The following SLC38A10 variants were observed in gnomAD, a reference collection of about 807,000 sequenced individuals.
SLC38A10 encodes Sodium-coupled neutral amino acid transporter 10.
A neutral mutation model predicts 81.0 loss-of-function variants in SLC38A10; 53 were observed. The ratio of observed to expected loss-of-function variants is 0.65; its 90% CI spans 0.53 to 0.82. The LOEUF is 0.82. Ranked by LOEUF, SLC38A10 falls within the 40% of genes least tolerant of loss-of-function variation. SLC38A10 has a pLI of 0.00. For missense variants in SLC38A10, 1,471 were observed against 1,545.0 expected, an observed-to-expected ratio of 0.95 and a Z score of 0.80; for synonymous variants, 665 against 655.3, an observed-to-expected ratio of 1.01 and a Z score of -0.23.
At chr17:81,287,713 C>T (rs1036004226) in intron 2 of SLC38A10, among the ~76,000 whole-genome samples, 2 of 152,348 alleles carry the variant, frequency 1.3e-5, no homozygotes, top group African/African-American at 2.4e-5. Flanking sequence ...AGCACCCACC[C>T]GGCAATTTTC....
At chr17:81,285,211 G>A (rs994307392) in intron 2 of SLC38A10, 6 of 262,956 alleles carry the variant, frequency 2.3e-5, no homozygotes, top group African/African-American at 2.2e-5. Context: ...ACTGGGGGCC[G>A]GCTGGAAACA....
chr17:81,291,903 G>A (rs1258764410), intron 1 of SLC38A10, among the ~76,000 whole-genome samples: 7 of 152,256 alleles, frequency 4.6e-5, no homozygotes, highest in East Asian at 1.9e-4. Context: ...CAGCACCACC[G>A]TGGCACACTA....
At chr17:81,287,991 ATCT>A in intron 2 of SLC38A10, among the ~76,000 whole-genome samples, 1 of 152,240 alleles carries the variant, frequency 6.6e-6, no homozygotes, top group East Asian at 1.9e-4. Context: ...TCCGGTAGGC[ATCT>A]TTCAGCCCAA....
Position 81,286,890 on chromosome 17 carries a change from G to A in SLC38A10, c.218-1995C>T, listed in dbSNP as rs9912623. 1.3e-5 allele frequency among the ~76,000 whole-genome samples: 2 copies of A among 152,136 alleles called. No individual in the cohort carries two copies. Among genetic ancestry groups the A allele is most frequent in the Non-Finnish European group, 2.9e-5 (2 of 68,032 alleles). On this transcript the variant is annotated intron_variant, in intron 2 of 15. Coordinates refer to ENST00000374759, the MANE Select transcript of SLC38A10 (RefSeq NM_001037984.3). This position sits in a 1 kb window ranked among gnomAD's most constrained non-coding sequence, Gnocchi z 6.0. ...GGAGGCGGTTTCTAGCCCAGACCAC[G>A]CATGCCAGGGTTCAGGCACAACTCT... is the stretch of plus-strand genomic sequence containing the variant.
At chr17:81,259,210 C>CT (rs1161292064) in intron 11 of SLC38A10, among the ~76,000 whole-genome samples, 1 of 152,218 alleles carries the variant, frequency 6.6e-6, no homozygotes, top group Admixed American at 6.5e-5. Flanking sequence ...GTGGAGGCCC[C>CT]TCCTGGAGGC....
chr17:81,293,302 T>C (rs534201452), intron 1 of SLC38A10, among the ~76,000 whole-genome samples: 1 of 152,360 alleles, frequency 6.6e-6, no homozygotes, highest in East Asian at 1.9e-4. Flanking sequence ...CAGAGGTGGC[T>C]GGCAGAAAGC....
chr17:81,286,405 C>T lies in SLC38A10; in HGVS notation c.218-1510G>A, dbSNP rs1446469182. 6.6e-6 allele frequency among the ~76,000 whole-genome samples: 1 copy of T among 152,166 alleles called. No homozygotes were observed. The highest frequency in any genetic ancestry group is 1.9e-4 in the East Asian group (1 of 5,192). On this transcript the variant is annotated intron_variant, in intron 2 of 15. Coordinates refer to ENST00000374759, the MANE Select transcript of SLC38A10 (RefSeq NM_001037984.3). The surrounding 1 kb of genome is among the most constrained non-coding windows in gnomAD (Gnocchi z 6.0). ...CCTGAGAGCCCACCACGCTGAGACA[C>T]GGCCCCACGCGCCTTCTTTTCCCCA...
At chr17:81,266,127 C>T (rs991384388) in intron 10 of SLC38A10, among the ~76,000 whole-genome samples, 6 of 152,320 alleles carry the variant, frequency 3.9e-5, no homozygotes, top group East Asian at 1.9e-4. Context: ...ACACCAGCAG[C>T]GCCGTGGCCA....
intron 14 of SLC38A10, 135 bp from the exon 15 acceptor site, chr17:81,247,196 C>T (rs2062860529): frequency 1.1e-6 from 1 of 893,700 alleles, no homozygotes; most frequent in Non-Finnish European, 1.6e-6. Flanking sequence ...CCACTGGTGA[C>T]ACCCATCATG....
chr17:81,245,618 C>T lies in SLC38A10; in HGVS notation c.3298G>A (p.Ala1100Thr), dbSNP rs557846250. The T allele has an allele frequency of 2.5e-5, 40 of 1,612,224 alleles. 1 individual carries two copies. In the South Asian group the frequency reaches 3.6e-4, roughly 15 times the overall value. The change falls in exon 16 of 16, where the codon GCT becomes ACT. Residue 1100 changes from alanine to threonine, a missense_variant. Transcript: ENST00000374759. ...DAQLRQAAGG[A>T]LQVVHSRQLR... ...TGCCGGCTGTGGACCACCTGCAGAGCTCCCCCCGCAGCCTGGCGGAGCTGG... is the reference window on the plus strand; with the variant it reads ...TGCCGGCTGTGGACCACCTGCAGAGTTCCCCCCGCAGCCTGGCGGAGCTGG...
chr17:81,259,840 C>G (rs1027834624), intron 11 of SLC38A10, among the ~76,000 whole-genome samples: 1 of 152,208 alleles, frequency 6.6e-6, no homozygotes, highest in Non-Finnish European at 1.5e-5. Context: ...CCTGAAGCAG[C>G]AAACCAAACT....
chr17:81,294,676 G>A (rs2063334230), intron 1 of SLC38A10, 147 bp downstream of exon 1: 1 of 589,234 alleles, frequency 1.7e-6, no homozygotes. Flanking sequence ...GAACTGCGCC[G>A]GGACCCAGAG....
At chr17:81,278,893 C>G (rs577435986) in intron 6 of SLC38A10, among the ~76,000 whole-genome samples, 30 of 152,266 alleles carry the variant, frequency 2.0e-4, no homozygotes, top group Non-Finnish European at 3.2e-4. Context: ...AGGCCAAGCC[C>G]CAGGCTCCTC....
chr17:81,268,410 TC>T (rs1185837618), intron 10 of SLC38A10, among the ~76,000 whole-genome samples: 1 of 152,074 alleles, frequency 6.6e-6, no homozygotes, highest in Non-Finnish European at 1.5e-5. Flanking sequence ...TTCTTTTTTT[TC>T]TTTTTTTTTT....
intron 10 of SLC38A10, among the ~76,000 whole-genome samples, chr17:81,266,925 A>C (rs1245375336): frequency 6.6e-6 from 1 of 152,278 alleles, no homozygotes; most frequent in Non-Finnish European, 1.5e-5. Flanking sequence ...TGATTCCAAC[A>C]TTCATACAGA....
Position 81,289,285 on chromosome 17 carries a change from G to A in SLC38A10, c.217+406C>T, listed in dbSNP as rs1334202385. ...TCGAACTCCTGACCTCAAATAATCC[G>A]CCTGCCTCGGCCTGCCAAAGTGCTG... is the stretch of plus-strand genomic sequence containing the variant. On this transcript the variant is annotated intron_variant, in intron 2 of 15. Transcript: ENST00000374759. This position sits in a 1 kb window ranked among gnomAD's most constrained non-coding sequence, Gnocchi z 5.9. 2.0e-5 allele frequency among the ~76,000 whole-genome samples: 3 copies of A among 151,862 alleles called. No homozygotes were observed. The highest frequency in any genetic ancestry group is 1.5e-5 in the Non-Finnish European group (1 of 67,996).
Position 81,289,651 on chromosome 17 carries a change from G to A in SLC38A10, c.217+40C>T, listed in dbSNP as rs562266081. The A allele has an allele frequency of 9.2e-6, 13 of 1,416,644 alleles. No homozygotes were observed. Among genetic ancestry groups the A allele is most frequent in the Non-Finnish European group, 1.2e-5 (12 of 1,040,594 alleles). 87.8% of individuals were successfully genotyped at this position (1,416,644 alleles called of 1,614,324 possible). A position where few individuals can be genotyped will look rare whatever the true frequency, so the allele number is the denominator to read the frequency against. On this transcript the variant is annotated intron_variant, in intron 2 of 15. Transcript: ENST00000374759. The surrounding 1 kb of genome is among the most constrained non-coding windows in gnomAD (Gnocchi z 5.9). ...AATAAATAAATGGAATAAGGCCCCC[G>A]CCCCAGGTCCAGAGCCACCTTGTGG...
At chr17:81,267,917 C>T (rs970715993) in intron 10 of SLC38A10, among the ~76,000 whole-genome samples, 2 of 151,464 alleles carry the variant, frequency 1.3e-5, no homozygotes. Flanking sequence ...CAGCCTAGAG[C>T]CTGGGCACAC....
Position 81,253,083 on chromosome 17 carries a change from G to T in SLC38A10, c.1446C>A (p.Arg482=). ...KEAPEEAQLD[R]PGQGIAVPVG... ...GCCAGTGCCCAGCACCTTGCCCAGG[G>T]CGATCGAGCTGTGCCTCCTCCGGTG... Residue 482 remains arginine, a synonymous_variant, in exon 12 of 16, where the codon CGC becomes CGA. Coordinates refer to ENST00000374759, the MANE Select transcript of SLC38A10 (RefSeq NM_001037984.3). This position sits in a 1 kb window ranked among gnomAD's most constrained non-coding sequence, Gnocchi z 4.1. The T allele has an allele frequency of 6.2e-7, 1 of 1,613,070 alleles. No homozygotes were observed.
Sources: allele counts gnomAD v4.1 joint callset (sites outside exome capture counted in the v4.1 genomes callset), GRCh38; gene constraint gnomAD v4.1.1; non-coding constraint Gnocchi (gnomAD v3.1); transcripts MANE v1.5; gene names NCBI Gene and HGNC (gene_info 2026-07-23, HGNC 2026-07-21).